The following NFASC variants were observed in gnomAD, a reference collection of about 807,000 sequenced individuals.
NFASC encodes the protein neurofascin homolog.
Under a neutral mutation model 147.5 loss-of-function variants are expected in NFASC, and 43 were observed. The ratio of observed to expected loss-of-function variants is 0.29; its 90% CI spans 0.23 to 0.38. The LOEUF (loss-of-function observed/expected upper bound fraction) is 0.38. Ranked by LOEUF, NFASC falls within the 10% of genes least tolerant of loss-of-function variation. The probability of loss-of-function intolerance (pLI) is 1.00; values close to 1 mark genes in which losing one functional copy is unlikely to be tolerated. For missense variants in NFASC, 1,320 were observed against 1,689.0 expected (o/e 0.78, Z 3.83); for synonymous variants, 622 against 665.5 (o/e 0.93, Z 1.01).
At chr1:204,933,788 A>G (rs185441844) in intron 2 of NFASC, among the ~76,000 whole-genome samples, 1 of 152,162 alleles carries the variant, frequency 6.6e-6, no homozygotes, top group Non-Finnish European at 1.5e-5. Flanking sequence ...GGAGAAAAAA[A>G]TTCTAGTATG....
chr1:204,903,266 C>T (rs2085061591), intron 1 of NFASC, among the ~76,000 whole-genome samples: 1 of 152,344 alleles, frequency 6.6e-6, no homozygotes, highest in South Asian at 2.1e-4. Context: ...TTCTACCCTT[C>T]TTTCCAAAGT....
At chr1:204,850,424 C>G (rs1216330150) in intron 1 of NFASC, among the ~76,000 whole-genome samples, 1 of 152,196 alleles carries the variant, frequency 6.6e-6, no homozygotes. Flanking sequence ...GTCTTGTTAT[C>G]TGCTGAACAC....
intron 21 of NFASC, among the ~76,000 whole-genome samples, chr1:204,984,536 A>G (rs2150527518): frequency 6.6e-6 from 1 of 152,046 alleles, no homozygotes; most frequent in East Asian, 1.9e-4. Flanking sequence ...GAGTGGGCAC[A>G]CATGTATCTT....
rs2096394567 is a variant in NFASC at position 205,020,656 on chromosome 1, A to C, written c.*4117A>C. The C allele has an allele frequency of 6.6e-6, 1 of 152,270 alleles. No homozygotes were observed. The highest frequency in any genetic ancestry group is 6.5e-5 in the Admixed American group (1 of 15,290). 9.4% of individuals were successfully genotyped at this position (152,270 alleles called of 1,614,324 possible). A position where few individuals can be genotyped will look rare whatever the true frequency, so the allele number is the denominator to read the frequency against. On this transcript the variant is annotated 3_prime_UTR_variant, in exon 30 of 30. Transcript: ENST00000339876. ...CTGGAGCAGGGCCAAGTCTTAGGGC[A>C]TCACAAACAGCCCATTTGATGGAGG... is the stretch of plus-strand genomic sequence containing the variant.
rs2095096566 is a variant in NFASC at position 204,968,823 on chromosome 1, A to G, written c.844A>G (p.Lys282Glu). The change falls in exon 10 of 30, where the codon AAG (lysine) becomes GAG (glutamate). Residue 282 changes from lysine to glutamate, a missense_variant. Around this residue, in one of 3 missense-constraint regions of NFASC, gnomAD observed 981 missense variants for 1,289.5 expected, o/e 0.76. Transcript: ENST00000339876. This position sits in a 1 kb window ranked among gnomAD's most constrained non-coding sequence, Gnocchi z 5.4. Reference protein sequence around the residue: ...GVPTPDIAWYKKGGDLPSDKA... With the variant: ...GVPTPDIAWYEKGGDLPSDKA... ...CCCAACACCAGACATCGCATGGTAC[A>G]AGAAAGGTGGGGACCTCCCATCTGA... 1 of 1,613,714 alleles carries G rather than the reference A, an allele frequency of 6.2e-7. No individual in the cohort carries two copies. The highest frequency in any genetic ancestry group is 1.3e-5 in the African/African-American group (1 of 75,028).
At chr1:204,939,145 T>TTAGTA in intron 2 of NFASC, among the ~76,000 whole-genome samples, 1 of 150,996 alleles carries the variant, frequency 6.6e-6, no homozygotes, top group Non-Finnish European at 1.5e-5. Flanking sequence ...TCTCCAGTAC[T>TTAGTA]TAGTATACCA....
intron 26 of NFASC, 31 bp downstream of exon 26, chr1:205,001,317 G>A (rs757446815): frequency 1.6e-5 from 23 of 1,449,894 alleles, no homozygotes; most frequent in Admixed American, 1.1e-4. Context: ...TGGTGGTGGC[G>A]GCAGCGGCGT....
chr1:204,920,055 T>G (rs1320523350), intron 1 of NFASC, among the ~76,000 whole-genome samples: 6 of 152,200 alleles, frequency 3.9e-5, no homozygotes, highest in Non-Finnish European at 7.3e-5. Context: ...TCATGCCTTC[T>G]CCCCATGTTA....
At chr1:204,991,269 A>G (rs2095727330) in intron 23 of NFASC, 23 bp from the exon 24 acceptor site, 1 of 1,612,250 alleles carries the variant, frequency 6.2e-7, no homozygotes, top group African/African-American at 1.3e-5. Context: ...CTGTCTGGCC[A>G]TCTTGGGCGC....
intron 1 of NFASC, among the ~76,000 whole-genome samples, chr1:204,845,224 C>G (rs903064834): frequency 1.4e-4 from 21 of 151,508 alleles, no homozygotes; most frequent in African/African-American, 5.1e-4. Context: ...GATGATGGTG[C>G]TCCTGCTCTG....
At chr1:204,949,730 G>A (rs1227936149) in intron 3 of NFASC, among the ~76,000 whole-genome samples, 1 of 152,152 alleles carries the variant, frequency 6.6e-6, no homozygotes, top group Non-Finnish European at 1.5e-5. Flanking sequence ...ATCAGAACCT[G>A]CATTTTAACC....
intron 1 of NFASC, among the ~76,000 whole-genome samples, chr1:204,864,438 C>A (rs2076956322): frequency 6.6e-6 from 1 of 152,192 alleles, no homozygotes; most frequent in African/African-American, 2.4e-5. Flanking sequence ...GAGAAACTAC[C>A]AGACTGTTTT....
intron 1 of NFASC, among the ~76,000 whole-genome samples, chr1:204,839,641 C>T (rs767528316): frequency 2.6e-5 from 4 of 152,142 alleles, no homozygotes; most frequent in African/African-American, 9.7e-5. Flanking sequence ...TGGGCTGTAC[C>T]GAGGTAGGGC....
intron 8 of NFASC, among the ~76,000 whole-genome samples, chr1:204,962,762 C>T (rs950577489): frequency 3.3e-5 from 5 of 152,178 alleles, no homozygotes; most frequent in Non-Finnish European, 5.9e-5. Flanking sequence ...ATCCACCGTA[C>T]CCTCTCACCT....
chr1:204,932,125 T>TA (rs2092414864), intron 2 of NFASC, among the ~76,000 whole-genome samples: 1 of 151,988 alleles, frequency 6.6e-6, no homozygotes, highest in South Asian at 2.1e-4. Context: ...AGAATATAGG[T>TA]CTCCGTTGGG....
chr1:204,948,397 C>A (rs1386865111), intron 3 of NFASC, among the ~76,000 whole-genome samples: 1 of 152,164 alleles, frequency 6.6e-6, no homozygotes, highest in African/African-American at 2.4e-5. Context: ...AGTAGATTCT[C>A]CAGAGGTCCT....
intron 2 of NFASC, among the ~76,000 whole-genome samples, chr1:204,939,828 G>A (rs990514402): frequency 1.3e-5 from 2 of 152,246 alleles, no homozygotes; most frequent in Non-Finnish European, 2.9e-5. Flanking sequence ...AAGCCTTGCT[G>A]ATGTAGGGGT....
At chr1:204,843,704 CTCTCTCTT>C (rs1028121040) in intron 1 of NFASC, among the ~76,000 whole-genome samples, 1 of 140,200 alleles carries the variant, frequency 7.1e-6, no homozygotes, top group Non-Finnish European at 1.5e-5. Context: ...TTCTCTCTTT[CTCTCTCTT>C]TCTCTCTTTC....
chr1:204,979,153 C>A lies in NFASC; in HGVS notation c.1978+84C>A. ...GAAGGCCTTTCCTGGTTTCCAGCCC[C>A]ACTTCTGCCTCGCTTGATGTGTGTC... On this transcript the variant is annotated intron_variant, in intron 18 of 29. Coordinates refer to ENST00000339876, the MANE Select transcript of NFASC (RefSeq NM_001005388.3). The surrounding 1 kb of genome is among the most constrained non-coding windows in gnomAD (Gnocchi z 6.0). The A allele has an allele frequency of 1.7e-6, 2 of 1,210,966 alleles. No individual in the cohort carries two copies. The highest frequency in any genetic ancestry group is 3.0e-5 in the African/African-American group (2 of 66,334). 75.0% of individuals were successfully genotyped at this position (1,210,966 alleles called of 1,614,324 possible). A position where few individuals can be genotyped will look rare whatever the true frequency, so the allele number is the denominator to read the frequency against.
Sources: gnomAD v4.1 joint callset for allele counts (sites outside exome capture counted in the v4.1 genomes callset) on GRCh38, gnomAD v4.1.1 for gene constraint, gnomAD v4.1.1 regional missense constraint, Gnocchi (gnomAD v3.1) non-coding constraint, MANE v1.5 for transcripts, NCBI Gene and HGNC (gene_info 2026-07-23, HGNC 2026-07-21) for gene names.